MARCHF6: variants seen among roughly 807,000 people sequenced by gnomAD.
MARCHF6 encodes the protein E3 ubiquitin-protein ligase MARCHF6.
A neutral mutation model predicts 133.7 loss-of-function variants in MARCHF6; 31 were observed. The ratio of observed to expected loss-of-function variants is 0.23; its 90% CI spans 0.17 to 0.31. The LOEUF (loss-of-function observed/expected upper bound fraction) is 0.31. Ranked by LOEUF, MARCHF6 falls within the 10% of genes least tolerant of loss-of-function variation. The probability of loss-of-function intolerance (pLI) is 1.00; values close to 1 mark genes in which losing one functional copy is unlikely to be tolerated. For synonymous variants in MARCHF6, 395 were observed against 402.5 expected (o/e 0.98, Z 0.22); for missense variants, 723 against 1,121.6 (o/e 0.64, Z 5.08).
At position 10,430,070 on chromosome 5, in the gene MARCHF6, A is replaced by G. The variant is rs112599072; in HGVS notation, c.2642+42A>G. 6.9e-5 allele frequency: 108 copies of G among 1,575,304 alleles called. No homozygotes were observed. In the African/African-American group the frequency reaches 1.3e-3, roughly 19 times the overall value. On this transcript the variant is annotated intron_variant, in intron 25 of 25. Coordinates refer to ENST00000274140, the MANE Select transcript of MARCHF6 (RefSeq NM_005885.4). ...GTTCGTCTCTTGTTTAAGTGTTTTCACTTCTTAATTTATGTATCTGATGTG... is the reference window on the plus strand; with the variant it reads ...GTTCGTCTCTTGTTTAAGTGTTTTCGCTTCTTAATTTATGTATCTGATGTG...
chr5:10,403,987 A>G (rs1236444987), intron 15 of MARCHF6, among the ~76,000 whole-genome samples: 5 of 152,076 alleles, frequency 3.3e-5, no homozygotes, highest in South Asian at 2.1e-4. Flanking sequence ...TAGAATTACA[A>G]TGAGGGTCCT....
At chr5:10,357,213 CTT>C (rs35082316) in intron 1 of MARCHF6, among the ~76,000 whole-genome samples, 106,460 of 144,670 alleles carry the variant, frequency 0.74, 40,148 homozygotes, top group Non-Finnish European at 0.84. Context: ...CAAGGATATA[CTT>C]TTTTTTTTTT....
chr5:10,401,336 A>G (rs1347641547), intron 11 of MARCHF6: 1 of 154,538 alleles, frequency 6.5e-6, no homozygotes, highest in Non-Finnish European at 1.4e-5. Flanking sequence ...GGGGCCCTAG[A>G]ACAATTTAGT....
chr5:10,400,159 C>T (rs1738437419), intron 10 of MARCHF6, among the ~76,000 whole-genome samples: 1 of 152,104 alleles, frequency 6.6e-6, no homozygotes, highest in Admixed American at 6.6e-5. Context: ...TTTCCCTTTA[C>T]CATTATAAAA....
chr5:10,422,457 G>A (rs556444974), intron 22 of MARCHF6, among the ~76,000 whole-genome samples: 2 of 152,178 alleles, frequency 1.3e-5, no homozygotes, highest in South Asian at 2.1e-4. Flanking sequence ...TTAGACACGG[G>A]GAAATCAAAA....
chr5:10,358,950 TCATA>T (rs1391832970), intron 1 of MARCHF6, among the ~76,000 whole-genome samples: 3 of 152,204 alleles, frequency 2.0e-5, no homozygotes, highest in Non-Finnish European at 4.4e-5. Context: ...CAGTATTAAA[TCATA>T]ACTGCATGAA....
At chr5:10,433,408 T>G (rs1435978852) in intron 25 of MARCHF6, among the ~76,000 whole-genome samples, 186 bp from the exon 26 acceptor site, 1 of 152,226 alleles carries the variant, frequency 6.6e-6, no homozygotes, top group African/African-American at 2.4e-5. Flanking sequence ...CTGTGCTGCT[T>G]CTGCAGCTTC....
At chr5:10,355,118 G>T (rs575543021) in intron 1 of MARCHF6, among the ~76,000 whole-genome samples, 12 of 152,296 alleles carry the variant, frequency 7.9e-5, no homozygotes, top group African/African-American at 2.6e-4. Context: ...TACACAGGTA[G>T]TAAGAGGCAG....
At chr5:10,365,153 C>G (rs1357026007) in intron 1 of MARCHF6, among the ~76,000 whole-genome samples, 6 of 152,080 alleles carry the variant, frequency 3.9e-5, no homozygotes, top group African/African-American at 1.5e-4. Flanking sequence ...CAGACTCTAA[C>G]TTAAGCCTAG....
chr5:10,411,625 A>G (rs1739237842), intron 19 of MARCHF6, 88 bp downstream of exon 19: 1 of 1,002,052 alleles, frequency 1.0e-6, no homozygotes, highest in Non-Finnish European at 1.5e-6. Flanking sequence ...TGCTATTAGT[A>G]TGCAGTCCTC....
chr5:10,402,484 G>T (rs565803528), intron 13 of MARCHF6, 32 bp downstream of exon 13: 1 of 1,612,502 alleles, frequency 6.2e-7, no homozygotes, highest in South Asian at 1.1e-5. Flanking sequence ...AATTGGAAAT[G>T]ATTTCTCCTA....
At chr5:10,423,894 C>T in intron 23 of MARCHF6, 70 bp downstream of exon 23, 1 of 1,075,570 alleles carries the variant, frequency 9.3e-7, no homozygotes, top group Non-Finnish European at 1.4e-6. Flanking sequence ...AGCTATAACT[C>T]TTATTTCTTA....
intron 1 of MARCHF6, among the ~76,000 whole-genome samples, chr5:10,357,356 T>TG (rs1238677618): frequency 6.6e-6 from 1 of 151,574 alleles, no homozygotes; most frequent in African/African-American, 2.4e-5. Context: ...AGCTGAGGTT[T>TG]TTTTTTTTTT....
chr5:10,388,352 G>C (rs1011564002), intron 5 of MARCHF6, among the ~76,000 whole-genome samples: 1 of 152,126 alleles, frequency 6.6e-6, no homozygotes, highest in Non-Finnish European at 1.5e-5. Context: ...ACTCTCTATA[G>C]AATTTTTTTT....
intron 19 of MARCHF6, among the ~76,000 whole-genome samples, chr5:10,413,828 C>G (rs1739360502): frequency 6.6e-6 from 1 of 152,136 alleles, no homozygotes; most frequent in Non-Finnish European, 1.5e-5. Context: ...CTGGCCCTTC[C>G]CTTGACACCT....
rs1389257147 is a variant in MARCHF6, at chr5:10,435,631, CTA to C, written c.*1952_*1953del. 1.0e-4 allele frequency: 2 copies of C among 19,226 alleles called. No individual in the cohort carries two copies. Among genetic ancestry groups the C allele is most frequent in the Non-Finnish European group, 1.7e-4 (2 of 11,578 alleles). The allele number at this position is 19,226 out of a possible 1,614,324, so 1.2% of individuals were successfully genotyped here. ...TTGAATTGAGCATATAACTATATAA[CTA>C]TATAACTATATATATATATATATAT... On this transcript the variant is annotated 3_prime_UTR_variant, in exon 26 of 26. Coordinates refer to ENST00000274140, the MANE Select transcript of MARCHF6 (RefSeq NM_005885.4).
intron 4 of MARCHF6, among the ~76,000 whole-genome samples, chr5:10,385,096 G>T (rs531017389): frequency 1.3e-5 from 2 of 152,196 alleles, no homozygotes; most frequent in Non-Finnish European, 2.9e-5. Context: ...GCACAAAATC[G>T]TATGATTGCA....
chr5:10,423,593 C>A (rs996799870), intron 22 of MARCHF6, 142 bp from the exon 23 acceptor site: 4 of 454,192 alleles, frequency 8.8e-6, no homozygotes, highest in Non-Finnish European at 1.5e-5. Flanking sequence ...GTTTTCAGTA[C>A]GTTAGTCTTT....
At chr5:10,385,007 A>G (rs1737380942) in intron 4 of MARCHF6, among the ~76,000 whole-genome samples, 1 of 152,248 alleles carries the variant, frequency 6.6e-6, no homozygotes, top group African/African-American at 2.4e-5. Context: ...GGAATACTAC[A>G]TAGCAGTGAA....
Sources: allele counts gnomAD v4.1 joint callset (sites outside exome capture counted in the v4.1 genomes callset), GRCh38; gene constraint gnomAD v4.1.1; transcripts MANE v1.5; gene names NCBI Gene and HGNC (gene_info 2026-07-23, HGNC 2026-07-21).